Variants in GPR83 observed in about 807,000 individuals in gnomAD.
The protein encoded by GPR83 is G-protein coupled receptor 72.
A neutral mutation model predicts 28.0 loss-of-function variants in GPR83; 23 were observed. That is an observed-to-expected ratio of 0.82 (90% confidence interval 0.59 to 1.16). GPR83 has a LOEUF of 1.16. Among genes scored for constraint, GPR83 ranks in the 50% most tolerant of loss-of-function variants. GPR83 has a pLI of 0.00. For synonymous variants in GPR83, 234 were observed against 215.4 expected, an observed-to-expected ratio of 1.09 and a Z score of -0.76; for missense variants, 610 against 536.6, an observed-to-expected ratio of 1.14 and a Z score of -1.35.
At chr11:94,383,510 AC>A (rs1276398374) in intron 3 of GPR83, among the ~76,000 whole-genome samples, 2 of 152,164 alleles carry the variant, frequency 1.3e-5, no homozygotes, top group South Asian at 2.1e-4. Context: ...GGAGATAGAG[AC>A]AAAAAACCCT....
At position 94,380,167 on chromosome 11, in the gene GPR83, G is replaced by A. The variant is rs1944670260; in HGVS notation, c.1254C>T (p.Pro418=). 6.6e-7 allele frequency: 1 copy of A among 1,514,358 alleles called. No individual in the cohort carries two copies. Among genetic ancestry groups the A allele is most frequent in the African/African-American group, 1.4e-5 (1 of 71,586 alleles). The allele number at this position is 1,514,358 out of a possible 1,614,324, so 93.8% of individuals were successfully genotyped here. ...SGKTDLSSVE[P]IVTMS ...ACCTCTTCTAACTCATCGTCACAAT[G>A]GGTTCCACAGATGACAGGTCTGTCT... The change falls in exon 4 of 4, where the codon CCC becomes CCT. Residue 418 remains proline (P), a synonymous_variant. Transcript: ENST00000243673.
chr11:94,397,213 T>C (rs1349277380), intron 1 of GPR83, among the ~76,000 whole-genome samples: 3 of 152,084 alleles, frequency 2.0e-5, no homozygotes, highest in African/African-American at 7.2e-5. Context: ...CCCCAAACCG[T>C]GTAGGGCCCT....
At chr11:94,391,379 A>T (rs1944815074) in intron 3 of GPR83, among the ~76,000 whole-genome samples, 1 of 152,098 alleles carries the variant, frequency 6.6e-6, no homozygotes, top group Non-Finnish European at 1.5e-5. Context: ...CCTAGAAGAA[A>T]GCCTGGATAC....
intron 3 of GPR83, among the ~76,000 whole-genome samples, chr11:94,384,204 G>C (rs1944723360): frequency 6.6e-6 from 1 of 152,036 alleles, no homozygotes. Context: ...TAAATACAAT[G>C]TATCACACAA....
At chr11:94,389,245 A>G (rs1258327106) in intron 3 of GPR83, among the ~76,000 whole-genome samples, 1 of 152,228 alleles carries the variant, frequency 6.6e-6, no homozygotes, top group Non-Finnish European at 1.5e-5. Context: ...AGGCAATACC[A>G]TTCAGGACAC....
At chr11:94,392,083 T>A (rs1160335257) in intron 3 of GPR83, among the ~76,000 whole-genome samples, 1 of 152,006 alleles carries the variant, frequency 6.6e-6, no homozygotes, top group Non-Finnish European at 1.5e-5. Context: ...CAAATGTCCA[T>A]CAATGATAGA....
In GPR83 at chr11:94,400,616, CAG is replaced by C. The variant is rs1591610267; in HGVS notation, c.387+243_387+244del. 2.0e-5 allele frequency among the ~76,000 whole-genome samples: 3 copies of C among 148,660 alleles called. No individual in the cohort carries two copies. In the East Asian group the frequency reaches 6.0e-4, roughly 30 times the overall value. On this transcript the variant is annotated intron_variant, in intron 1 of 3. Coordinates refer to ENST00000243673, the MANE Select transcript of GPR83 (RefSeq NM_016540.4). The stretch of plus-strand genomic sequence containing the variant: ...GACAGAAAGACTTCAGAGAGAGAGA[CAG>C]AGACTGAAAGAAAGACTAAGAAAAA...
At chr11:94,398,831 CT>C (rs1944888167) in intron 1 of GPR83, among the ~76,000 whole-genome samples, 1 of 152,184 alleles carries the variant, frequency 6.6e-6, no homozygotes. Context: ...AACCTTCTCC[CT>C]TTCCTACCTG....
intron 3 of GPR83, among the ~76,000 whole-genome samples, chr11:94,385,060 C>T (rs766256896): frequency 1.8e-4 from 27 of 152,182 alleles, no homozygotes; most frequent in African/African-American, 5.1e-4. Flanking sequence ...TGTTCTGCAG[C>T]CTCTGCTGCT....
intron 3 of GPR83, among the ~76,000 whole-genome samples, chr11:94,385,355 T>G (rs1476284111): frequency 6.6e-6 from 1 of 152,180 alleles, no homozygotes; most frequent in Non-Finnish European, 1.5e-5. Context: ...GGAGAATGAC[T>G]TTGATGAGCT....
chr11:94,380,637 C>A lies in GPR83; in HGVS notation c.784G>T (p.Val262Leu). 1 of 1,614,024 alleles carries A rather than the reference C, an allele frequency of 6.2e-7. No individual in the cohort carries two copies. Among genetic ancestry groups the A allele is most frequent in the Non-Finnish European group, 8.5e-7 (1 of 1,180,014 alleles). ...LLIISVAYAR[V>L]AKKLWLCNMI... ...TTACACAGCCACAGTTTCTTGGCCACACGAGCGTAGGCCACAGAGATGATG... is the reference window on the plus strand; with the variant it reads ...TTACACAGCCACAGTTTCTTGGCCAAACGAGCGTAGGCCACAGAGATGATG... Residue 262 changes from valine (V) to leucine (L), a missense_variant, in exon 4 of 4, where the codon GTG (valine) becomes TTG (leucine). Val to Leu is a conservative substitution (Grantham distance 32). Coordinates refer to ENST00000243673, the MANE Select transcript of GPR83 (RefSeq NM_016540.4).
At chr11:94,382,912 C>T (rs1944708217) in intron 3 of GPR83, among the ~76,000 whole-genome samples, 4 of 152,116 alleles carry the variant, frequency 2.6e-5, no homozygotes, top group Admixed American at 1.3e-4. Flanking sequence ...TGCCTGTAAT[C>T]CCAGCACTTT....
In GPR83 at chr11:94,380,620, CCA is replaced by C. The variant is rs768345478; in HGVS notation, c.799_800del (p.Trp267AlafsTer3). On this transcript the variant is annotated frameshift_variant, in exon 4 of 4. Transcript: ENST00000243673. LOFTEE classifies it high-confidence loss of function. ...VAYARVAKKL[W>X]LCNMIGDVTT... ...TCACATCGCCAATCATATTACACAG[CCA>C]CAGTTTCTTGGCCACACGAGCGTAG... 3.7e-6 allele frequency: 6 copies of C among 1,613,958 alleles called. No homozygotes were observed. The East Asian group carries it at 6.7e-5, about 18-fold the overall frequency.
chr11:94,390,146 A>AATATC (rs1253114408), intron 3 of GPR83, among the ~76,000 whole-genome samples: 1 of 151,936 alleles, frequency 6.6e-6, no homozygotes, highest in Non-Finnish European at 1.5e-5. Context: ...CAGGAAGGGG[A>AATATC]ATATCACACA....
rs200787114 is a variant in GPR83, at chr11:94,396,415, G to A, written c.497C>T (p.Ala166Val). The A allele has an allele frequency of 1.7e-5, 28 of 1,613,568 alleles. No individual in the cohort carries two copies. The highest frequency in any genetic ancestry group is 2.2e-5 in the Non-Finnish European group (26 of 1,179,722). Residue 166 changes from alanine (A) to valine (V), a missense_variant, in exon 2 of 4, where the codon GCG becomes GTG. Physicochemically the swap from Ala to Val is moderately conservative, Grantham distance 64 (BLOSUM62 0). Transcript: ENST00000243673. ...TGCCCTCACCTGGTGGCGATCCACC[G>A]CAATGGCTGTCAGTGTCAGTGCTGA... Reference protein sequence around the residue: ...HVSALTLTAIAVDRHQVIMHP... With the variant: ...HVSALTLTAIVVDRHQVIMHP...
chr11:94,389,623 C>A (rs1453497573), intron 3 of GPR83, among the ~76,000 whole-genome samples: 1 of 152,136 alleles, frequency 6.6e-6, no homozygotes, highest in Admixed American at 6.5e-5. Context: ...CAATGAGATA[C>A]CATCTCACAC....
chr11:94,400,834 TG>T, intron 1 of GPR83, 26 bp downstream of exon 1: 1 of 1,604,672 alleles, frequency 6.2e-7, no homozygotes, highest in South Asian at 1.1e-5. Context: ...AGACAGAAGG[TG>T]GGGCGGCAGG....
chr11:94,385,193 T>A (rs1201621298), intron 3 of GPR83, among the ~76,000 whole-genome samples: 5 of 151,966 alleles, frequency 3.3e-5, no homozygotes, highest in African/African-American at 9.7e-5. Context: ...CAAAACCCCA[T>A]CTGTACGTCA....
intron 3 of GPR83, among the ~76,000 whole-genome samples, chr11:94,392,910 G>A (rs1944831153): frequency 6.6e-6 from 1 of 151,882 alleles, no homozygotes; most frequent in Admixed American, 6.6e-5. Context: ...TAAGCTAAGT[G>A]TTGAGATCAC....
Sources: gnomAD v4.1 joint callset for allele counts (sites outside exome capture counted in the v4.1 genomes callset) on GRCh38, gnomAD v4.1.1 for gene constraint, MANE v1.5 for transcripts, NCBI Gene and HGNC (gene_info 2026-07-23, HGNC 2026-07-21) for gene names.